Variants in FAM107B observed in about 807,000 individuals in gnomAD.
FAM107B encodes family with sequence similarity 107 member B.
A neutral mutation model predicts 31.5 loss-of-function variants in FAM107B; 21 were observed. The ratio of observed to expected loss-of-function variants is 0.67; its 90% CI spans 0.47 to 0.96. FAM107B has a LOEUF of 0.96. Ranked by LOEUF, FAM107B falls within the 40% of genes least tolerant of loss-of-function variation. FAM107B has a pLI of 0.00. For missense variants in FAM107B, 452 were observed against 377.1 expected, an observed-to-expected ratio of 1.20 and a Z score of -1.64; for synonymous variants, 157 against 141.5, an observed-to-expected ratio of 1.11 and a Z score of -0.78.
chr10:14,749,641 C>A (rs1410443615), intron 1 of FAM107B, among the ~76,000 whole-genome samples: 1 of 152,174 alleles, frequency 6.6e-6, no homozygotes, highest in Non-Finnish European at 1.5e-5. Flanking sequence ...GAGATGGGAA[C>A]CGAGCCAGCA....
chr10:14,763,083 C>T (rs961589094), intron 1 of FAM107B, among the ~76,000 whole-genome samples: 2 of 151,980 alleles, frequency 1.3e-5, no homozygotes, highest in Non-Finnish European at 2.9e-5. Context: ...GCCAACATGG[C>T]AAACCCCATC....
chr10:14,720,731 T>C (rs1264978721), intron 1 of FAM107B, among the ~76,000 whole-genome samples: 2 of 152,188 alleles, frequency 1.3e-5, no homozygotes, highest in Non-Finnish European at 2.9e-5. Flanking sequence ...GGCAAACATT[T>C]GAAGAACCAA....
At chr10:14,581,249 A>T (rs1419020728) in intron 2 of FAM107B, among the ~76,000 whole-genome samples, 1 of 152,208 alleles carries the variant, frequency 6.6e-6, no homozygotes, top group African/African-American at 2.4e-5. Flanking sequence ...TCTGCAGCAC[A>T]TTTGGCCCAA....
At chr10:14,624,818 GA>G (rs372483985) in intron 2 of FAM107B, among the ~76,000 whole-genome samples, 133 of 152,368 alleles carry the variant, frequency 8.7e-4, no homozygotes, top group African/African-American at 3.1e-3. Context: ...AGAGGTCTGA[GA>G]AGCAGAAGCA....
In FAM107B at chr10:14,556,715, G is replaced by T. The variant is rs149537958; in HGVS notation, c.470-26200C>A. On this transcript the variant is annotated intron_variant, in intron 2 of 4. Transcript: ENST00000181796. ...TTCTCAAAGATACCCAGATAGTTTT[G>T]TGGCTAAAACAAATATAGCACCCAG... Among the ~76,000 whole-genome samples, 596 of 152,332 alleles carry T rather than the reference G, an allele frequency of 3.9e-3. 5 individuals are homozygous for T. The highest frequency in any genetic ancestry group is 0.014 in the African/African-American group (562 of 41,572).
intron 2 of FAM107B, among the ~76,000 whole-genome samples, chr10:14,533,285 G>A (rs1181745983): frequency 6.6e-6 from 1 of 152,128 alleles, no homozygotes; most frequent in Non-Finnish European, 1.5e-5. Flanking sequence ...GTATTTTAAA[G>A]GTAAAGTCTC....
At chr10:14,663,806 C>A (rs759274284) in intron 2 of FAM107B, among the ~76,000 whole-genome samples, 16 of 136,650 alleles carry the variant, frequency 1.2e-4, no homozygotes, top group Non-Finnish European at 1.8e-4. Flanking sequence ...GTCATTATCA[C>A]GTGGGTGGCT....
At chr10:14,570,570 G>C (rs138042788) in intron 2 of FAM107B, among the ~76,000 whole-genome samples, 202 of 152,336 alleles carry the variant, frequency 1.3e-3, no homozygotes, top group African/African-American at 4.8e-3. Flanking sequence ...GGGAGGCTGA[G>C]GTGGGCGTAT....
At chr10:14,671,901 AAACC>A (rs1252918841) in intron 1 of FAM107B, among the ~76,000 whole-genome samples, 3 of 148,788 alleles carry the variant, frequency 2.0e-5, no homozygotes, top group African/African-American at 7.7e-5. Context: ...AACAAAAAAA[AAACC>A]CTCTATTTCT....
intron 2 of FAM107B, among the ~76,000 whole-genome samples, chr10:14,629,670 G>A (rs915675470): frequency 1.2e-4 from 18 of 148,730 alleles, no homozygotes; most frequent in African/African-American, 4.5e-4. Context: ...CCACCACCAC[G>A]CCCGGCTAAT....
At chr10:14,562,097 T>C (rs768326049) in intron 2 of FAM107B, among the ~76,000 whole-genome samples, 1 of 152,190 alleles carries the variant, frequency 6.6e-6, no homozygotes, top group Non-Finnish European at 1.5e-5. Context: ...TAGAGTGCAT[T>C]TTCTACTCCA....
chr10:14,547,119 A>G (rs1848764769), intron 2 of FAM107B, among the ~76,000 whole-genome samples: 1 of 152,170 alleles, frequency 6.6e-6, no homozygotes, highest in South Asian at 2.1e-4. Flanking sequence ...TGCCTTTCCA[A>G]AATAGTCCCA....
chr10:14,736,781 C>G (rs1205229850), intron 1 of FAM107B, among the ~76,000 whole-genome samples: 1 of 152,122 alleles, frequency 6.6e-6, no homozygotes, highest in Non-Finnish European at 1.5e-5. Flanking sequence ...TCAGCACATT[C>G]GACAGTAGAA....
At chr10:14,639,344 CCATGCTTTA>C (rs1588676106) in intron 2 of FAM107B, among the ~76,000 whole-genome samples, 1 of 152,174 alleles carries the variant, frequency 6.6e-6, no homozygotes, top group Non-Finnish European at 1.5e-5. Flanking sequence ...TTAGGTACCA[CCATGCTTTA>C]CATCTTTATA....
rs75270032 is a variant in FAM107B, at chr10:14,638,262, C to T, written c.469+29372G>A. On this transcript the variant is annotated intron_variant, in intron 2 of 4. Transcript: ENST00000181796. ...TAGCTGTGGATTTACAGAAATCTTA[C>T]GTTGTGTACAGCCTGCTAAGGTTTT... is the stretch of plus-strand genomic sequence containing the variant. Among the ~76,000 whole-genome samples, 518 of 150,758 alleles carry T rather than the reference C, an allele frequency of 3.4e-3. 9 individuals are homozygous for T. In the East Asian group the frequency reaches 0.049, roughly 14 times the overall value.
chr10:14,643,404 A>T (rs1341558256), intron 2 of FAM107B, among the ~76,000 whole-genome samples: 2 of 148,272 alleles, frequency 1.3e-5, no homozygotes, highest in African/African-American at 2.5e-5. Context: ...TAGGGAGGTC[A>T]GTCTAATTTT....
At chr10:14,590,973 GAGCAAAACT>G (rs1851997969) in intron 2 of FAM107B, among the ~76,000 whole-genome samples, 1 of 109,172 alleles carries the variant, frequency 9.2e-6, no homozygotes, top group Non-Finnish European at 1.8e-5. Flanking sequence ...TGGGCAACAA[GAGCAAAACT>G]CCATCTCAAA....
intron 2 of FAM107B, among the ~76,000 whole-genome samples, chr10:14,624,677 C>T (rs889685767): frequency 6.6e-6 from 1 of 152,008 alleles, no homozygotes; most frequent in African/African-American, 2.4e-5. Flanking sequence ...AGAACTTGAA[C>T]GTCCCTGAGT....
intron 2 of FAM107B, among the ~76,000 whole-genome samples, chr10:14,544,441 G>A (rs1180532438): frequency 2.0e-5 from 3 of 152,000 alleles, no homozygotes; most frequent in Non-Finnish European, 2.9e-5. Flanking sequence ...ATAAATCCAC[G>A]GATATTCTTC....
Sources: allele counts gnomAD v4.1 joint callset (sites outside exome capture counted in the v4.1 genomes callset), GRCh38; gene constraint gnomAD v4.1.1; transcripts MANE v1.5; gene names NCBI Gene and HGNC (gene_info 2026-07-23, HGNC 2026-07-21).